The following TIAM2 variants were observed in gnomAD, a reference collection of about 807,000 sequenced individuals.
TIAM2 encodes TIAM Rac1 associated GEF 2, also known as rho guanine nucleotide exchange factor TIAM2.
TIAM2 carries 80 observed loss-of-function variants against 152.9 expected under a neutral mutation model. The observed-to-expected ratio is 0.52, with a 90% CI of 0.44 to 0.63. TIAM2 has a LOEUF of 0.63. TIAM2 is among the 30% of genes least tolerant of loss of function. The pLI is 0.00. For missense variants in TIAM2, 1,965 were observed against 2,120.1 expected, an observed-to-expected ratio of 0.93 and a Z score of 1.44; for synonymous variants, 804 against 838.0, an observed-to-expected ratio of 0.96 and a Z score of 0.70.
At chr6:155,017,877 A>C (rs1345470577) in intron 1 of TIAM2, among the ~76,000 whole-genome samples, 2 of 152,136 alleles carry the variant, frequency 1.3e-5, no homozygotes, top group East Asian at 3.9e-4. Context: ...TGAAAGACCC[A>C]TGTCTCCAGA....
In TIAM2 at chr6:155,129,700, C is replaced by G. The variant is rs1360380970; in HGVS notation, c.477C>G (p.Pro159=). ...STPPGEDRKS[P]RVLIKTLGKL... ...CACCGGGCGAAGACCGCAAGAGCCCCCGAGTGCTCATCAAAACGCTGGGGA... is the reference window on the plus strand; with the variant it reads ...CACCGGGCGAAGACCGCAAGAGCCCGCGAGTGCTCATCAAAACGCTGGGGA... Residue 159 remains proline (P), a synonymous_variant, in exon 4 of 27, where the codon CCC becomes CCG. Coordinates refer to ENST00000682666, the MANE Select transcript of TIAM2 (RefSeq NM_012454.4). The surrounding 1 kb of genome is among the most constrained non-coding windows in gnomAD (Gnocchi z 4.8). The G allele has an allele frequency of 6.2e-7, 1 of 1,614,052 alleles. No homozygotes were observed. Among genetic ancestry groups the G allele is most frequent in the Non-Finnish European group, 8.5e-7 (1 of 1,180,002 alleles).
chr6:155,226,039 A>G (rs566954270), intron 15 of TIAM2, among the ~76,000 whole-genome samples: 92 of 152,300 alleles, frequency 6.0e-4, no homozygotes, highest in Non-Finnish European at 1.0e-3. Flanking sequence ...AGAAGCTACA[A>G]TTTTTTTGAA....
At chr6:155,237,586 G>C (rs1782832734) in intron 15 of TIAM2, among the ~76,000 whole-genome samples, 1 of 152,242 alleles carries the variant, frequency 6.6e-6, no homozygotes. Flanking sequence ...TGGACATCCA[G>C]GCATTTCCAT....
At position 155,257,434 on chromosome 6, in the gene TIAM2, G is replaced by GTGAT. The variant is rs1212378576; in HGVS notation, c.*315_*318dup. On this transcript the variant is annotated 3_prime_UTR_variant, in exon 27 of 27. Transcript: ENST00000682666. ...TGGAAAAAGTAAGGCTGGGGAAGTCGTGATTAATAGTTTTCAAAGGGCCAT... is the reference window on the plus strand; with the variant it reads ...TGGAAAAAGTAAGGCTGGGGAAGTCGTGATTGATTAATAGTTTTCAAAGGGCCAT... 5.8e-6 allele frequency: 2 copies of GTGAT among 344,700 alleles called. No homozygotes were observed. The highest frequency in any genetic ancestry group is 1.0e-5 in the Non-Finnish European group (2 of 190,614). 21.4% of individuals were successfully genotyped at this position (344,700 alleles called of 1,614,324 possible). A position where few individuals can be genotyped will look rare whatever the true frequency, so the allele number is the denominator to read the frequency against.
chr6:155,185,941 C>A (rs76714583), intron 14 of TIAM2, among the ~76,000 whole-genome samples: 4,567 of 152,296 alleles, frequency 0.03, 204 homozygotes, highest in African/African-American at 0.094. Context: ...CCAGACACCA[C>A]AAACAGAGGC....
intron 14 of TIAM2, among the ~76,000 whole-genome samples, chr6:155,188,915 T>C (rs1269740444): frequency 1.3e-5 from 2 of 152,226 alleles, no homozygotes; most frequent in African/African-American, 4.8e-5. Context: ...ATTTAGACGA[T>C]GTAAATCCAA....
intron 1 of TIAM2, among the ~76,000 whole-genome samples, chr6:155,046,208 G>A (rs1230913373): frequency 3.3e-5 from 5 of 152,096 alleles, no homozygotes; most frequent in African/African-American, 1.2e-4. Flanking sequence ...GAACTTTCTG[G>A]TTCACTGCTG....
chr6:155,208,095 G>A (rs767521925), intron 14 of TIAM2, among the ~76,000 whole-genome samples: 1 of 152,144 alleles, frequency 6.6e-6, no homozygotes, highest in Non-Finnish European at 1.5e-5. Context: ...GAACATGCCT[G>A]ATGTACAGCA....
At chr6:154,997,215 C>T (rs549164605) in intron 1 of TIAM2, among the ~76,000 whole-genome samples, 1 of 152,180 alleles carries the variant, frequency 6.6e-6, no homozygotes, top group Non-Finnish European at 1.5e-5. Context: ...CAATTACCCA[C>T]GCATTCTTAA....
chr6:155,027,391 T>C (rs972334910), intron 1 of TIAM2, among the ~76,000 whole-genome samples: 1 of 127,648 alleles, frequency 7.8e-6, no homozygotes, highest in Non-Finnish European at 1.6e-5. Flanking sequence ...CTGTGTTACA[T>C]ATATACTATA....
intron 12 of TIAM2, among the ~76,000 whole-genome samples, chr6:155,180,194 G>C (rs979313926): frequency 2.0e-5 from 3 of 152,124 alleles, no homozygotes; most frequent in Admixed American, 6.5e-5. Flanking sequence ...CAGGAGAATC[G>C]CTTGAACCTG....
intron 1 of TIAM2, among the ~76,000 whole-genome samples, chr6:155,077,670 T>C (rs1470760594): frequency 1.3e-5 from 2 of 152,206 alleles, no homozygotes; most frequent in Non-Finnish European, 2.9e-5. Context: ...CATTTATTAT[T>C]TAACTTTCTT....
At chr6:155,028,605 T>TTATACTACATATAATATATATACTGTTA (rs1776693704) in intron 1 of TIAM2, among the ~76,000 whole-genome samples, 1 of 105,536 alleles carries the variant, frequency 9.5e-6, no homozygotes, top group Non-Finnish European at 1.9e-5. Flanking sequence ...ATATACTGTG[T>TTATACTACATATAATATATATACTGTTA]TATATATACT....
chr6:155,116,635 A>G (rs1266771854), intron 2 of TIAM2, among the ~76,000 whole-genome samples: 1 of 152,146 alleles, frequency 6.6e-6, no homozygotes, highest in Non-Finnish European at 1.5e-5. Flanking sequence ...TCTGCTTCTG[A>G]TGTACTGAAG....
intron 1 of TIAM2, among the ~76,000 whole-genome samples, chr6:155,064,541 C>T (rs566511484): frequency 2.9e-4 from 44 of 152,292 alleles, no homozygotes; most frequent in African/African-American, 8.7e-4. Flanking sequence ...GAGAGCCACC[C>T]GGCACCACAG....
intron 1 of TIAM2, among the ~76,000 whole-genome samples, chr6:155,035,315 G>A (rs564851936): frequency 1.3e-4 from 19 of 151,374 alleles, no homozygotes; most frequent in South Asian, 8.4e-4. Flanking sequence ...TCCACCTCCC[G>A]GGTTCAAGCG....
At chr6:155,111,753 C>A (rs185495903) in intron 2 of TIAM2, among the ~76,000 whole-genome samples, 1 of 152,106 alleles carries the variant, frequency 6.6e-6, no homozygotes, top group Non-Finnish European at 1.5e-5. Flanking sequence ...ATTCTCATTG[C>A]GTGCTGGAAT....
Position 155,164,423 on chromosome 6 carries a change from A to T in TIAM2, c.2037A>T (p.Gln679His), listed in dbSNP as rs369529629. 1 of 1,581,726 alleles carries T rather than the reference A, an allele frequency of 6.3e-7. No individual in the cohort carries two copies. The highest frequency in any genetic ancestry group is 1.7e-5 in the Admixed American group (1 of 58,726). Residue 679 changes from glutamine to histidine, a missense_variant, in exon 8 of 27, where the codon CAA (glutamine) becomes CAT (histidine). Physicochemically the swap from Gln to His is conservative, Grantham distance 24 (BLOSUM62 0). Transcript: ENST00000682666. ...NRKAIENQIQ[Q>H]WEQNLEKFHM... ...TCTGTTTTTGCTTTAAGATCCAGCA[A>T]TGGGAGCAGAATCTTGAGAAATTTC...
At chr6:155,162,100 GGCATGCACCA>G (rs1780287864) in intron 7 of TIAM2, among the ~76,000 whole-genome samples, 1 of 151,982 alleles carries the variant, frequency 6.6e-6, no homozygotes, top group African/African-American at 2.4e-5. Flanking sequence ...TGGGACTACA[GGCATGCACCA>G]CCATGCCTGG....
Sources: allele counts gnomAD v4.1 joint callset (sites outside exome capture counted in the v4.1 genomes callset), GRCh38; gene constraint gnomAD v4.1.1; non-coding constraint Gnocchi (gnomAD v3.1); transcripts MANE v1.5; gene names NCBI Gene and HGNC (gene_info 2026-07-23, HGNC 2026-07-21).